KAZN: variants seen among roughly 807,000 people sequenced by gnomAD.
The protein encoded by KAZN is kazrin, periplakin interacting protein.
KAZN carries 40 observed loss-of-function variants against 87.4 expected under a neutral mutation model. That is an observed-to-expected ratio of 0.46 (90% CI 0.36 to 0.60). KAZN has a LOEUF of 0.60. Among genes scored for constraint, KAZN ranks in the 20% least tolerant of loss-of-function variants. The probability of loss-of-function intolerance (pLI) is 0.00; values close to 1 mark genes in which losing one functional copy is unlikely to be tolerated. For synonymous variants in KAZN, 466 were observed against 458.3 expected, an observed-to-expected ratio of 1.02 and a Z score of -0.22; for missense variants, 898 against 1,073.9, an observed-to-expected ratio of 0.84 and a Z score of 2.29.
intron 1 of KAZN, among the ~76,000 whole-genome samples, chr1:13,898,031 G>C (rs910681405): frequency 6.6e-6 from 1 of 152,126 alleles, no homozygotes; most frequent in South Asian, 2.1e-4. Flanking sequence ...CTGTCCATTC[G>C]TGCTGCCTGA....
At chr1:14,330,427 G>A (rs1425626513) in intron 2 of KAZN, among the ~76,000 whole-genome samples, 1 of 152,130 alleles carries the variant, frequency 6.6e-6, no homozygotes, top group South Asian at 2.1e-4. Context: ...CTGTGCCAGT[G>A]AGGAGAAGAA....
At chr1:15,005,539 A>T (rs922360831) in intron 2 of KAZN, among the ~76,000 whole-genome samples, 2 of 152,148 alleles carry the variant, frequency 1.3e-5, no homozygotes, top group African/African-American at 4.8e-5. Flanking sequence ...TCATCCCAGC[A>T]CTTTGGGAGG....
At chr1:14,771,775 A>G (rs775563004) in intron 1 of KAZN, among the ~76,000 whole-genome samples, 3 of 152,142 alleles carry the variant, frequency 2.0e-5, no homozygotes, top group Non-Finnish European at 4.4e-5. Flanking sequence ...GCAGTGAGCC[A>G]AGACCGTGCC....
At position 15,081,226 on chromosome 1, in the gene KAZN, AC is replaced by A. The variant is rs140965329; in HGVS notation, c.1223-12953del. 1.8e-3 allele frequency among the ~76,000 whole-genome samples: 267 copies of A among 152,332 alleles called. 1 individual carries two copies. The highest frequency in any genetic ancestry group is 6.2e-3 in the African/African-American group (258 of 41,582). On this transcript the variant is annotated intron_variant, in intron 8 of 14. Transcript: ENST00000376030. The surrounding 1 kb of genome is among the most constrained non-coding windows in gnomAD (Gnocchi z 4.1). ...GGCAGTGCTGGGCCAGGGCTGGCTC[AC>A]ACAGGCCCACGGATGGCTCTCTTCC... is the stretch of plus-strand genomic sequence containing the variant.
At chr1:14,413,593 GAAAAAAAAAAAA>G (rs1169921344) in intron 2 of KAZN, among the ~76,000 whole-genome samples, 4 of 66,094 alleles carry the variant, frequency 6.1e-5, no homozygotes, top group African/African-American at 1.9e-4. Context: ...CGTCTCAAAA[GAAAAAAAAAAAA>G]AAAAAAAAAA....
chr1:14,220,896 C>T (rs1329518227), intron 2 of KAZN, among the ~76,000 whole-genome samples: 1 of 152,130 alleles, frequency 6.6e-6, no homozygotes, highest in Non-Finnish European at 1.5e-5. Context: ...AGATTTATTA[C>T]AGGCACAGCA....
At chr1:14,308,482 T>C (rs528639964) in intron 2 of KAZN, among the ~76,000 whole-genome samples, 1 of 152,344 alleles carries the variant, frequency 6.6e-6, no homozygotes, top group South Asian at 2.1e-4. Context: ...GTAAAAGTTA[T>C]ATAGAAGTTT....
chr1:15,103,349 TCCCCACAAGGCCCTCCAGGAG>T lies in KAZN; in HGVS notation c.1780-8_1792del. 6.5e-7 allele frequency: 1 copy of T among 1,548,928 alleles called. No individual in the cohort carries two copies. Among genetic ancestry groups the T allele is most frequent in the Non-Finnish European group, 8.7e-7 (1 of 1,145,328 alleles). On this transcript the variant is annotated splice_acceptor_variant and splice_polypyrimidine_tract_variant and coding_sequence_variant and intron_variant, in exon 12 of 15. Coordinates refer to ENST00000376030, the MANE Select transcript of KAZN (RefSeq NM_201628.3). LOFTEE classifies it high-confidence loss of function. ...TTGTCCCTCCGAATGACCCACTGTC[TCCCCACAAGGCCCTCCAGGAG>T]CGCCGGGCCCGCTGCGAGACGCAGA...
intron 2 of KAZN, among the ~76,000 whole-genome samples, chr1:14,320,397 G>A (rs545741051): frequency 1.1e-4 from 17 of 152,120 alleles, no homozygotes; most frequent in African/African-American, 4.1e-4. Context: ...AAACAGATTT[G>A]AGAATCACAA....
chr1:15,001,265 C>T (rs1296064946), intron 2 of KAZN, among the ~76,000 whole-genome samples: 1 of 150,162 alleles, frequency 6.7e-6, no homozygotes, highest in Admixed American at 6.6e-5. Flanking sequence ...AGTTTAAGAC[C>T]AGCCTGGCCA....
chr1:13,906,879 T>G (rs1639458000), intron 1 of KAZN, among the ~76,000 whole-genome samples: 1 of 152,150 alleles, frequency 6.6e-6, no homozygotes, highest in African/African-American at 2.4e-5. Context: ...GGGCACATCT[T>G]CATTCCTAGC....
chr1:13,921,781 G>A (rs997462951), intron 1 of KAZN, among the ~76,000 whole-genome samples: 6 of 151,922 alleles, frequency 3.9e-5, no homozygotes, highest in Non-Finnish European at 7.4e-5. Context: ...GTGGTCACCC[G>A]CCACCACACC....
At chr1:14,560,554 G>T (rs1031419536) in intron 2 of KAZN, among the ~76,000 whole-genome samples, 7 of 152,124 alleles carry the variant, frequency 4.6e-5, no homozygotes, top group Middle Eastern at 3.2e-3. Context: ...CTCCAGCCTG[G>T]GCGACAGAGC....
chr1:14,563,274 A>G (rs1440911262), intron 2 of KAZN, among the ~76,000 whole-genome samples: 3 of 152,192 alleles, frequency 2.0e-5, no homozygotes, highest in African/African-American at 7.2e-5. Context: ...CTCCTTTGAC[A>G]ATCCACAAGG....
At chr1:14,425,785 A>T (rs1289218903) in intron 2 of KAZN, among the ~76,000 whole-genome samples, 1 of 152,090 alleles carries the variant, frequency 6.6e-6, no homozygotes, top group Non-Finnish European at 1.5e-5. Context: ...CCCATTTTAT[A>T]GGTAAGGAGA....
chr1:15,087,809 G>A (rs1640333789), intron 8 of KAZN, among the ~76,000 whole-genome samples: 1 of 152,190 alleles, frequency 6.6e-6, no homozygotes, highest in African/African-American at 2.4e-5. Flanking sequence ...AGGGGACAGA[G>A]GCCTCCACTC....
intron 2 of KAZN, among the ~76,000 whole-genome samples, chr1:14,319,154 T>C (rs955366522): frequency 1.3e-5 from 2 of 151,702 alleles, no homozygotes; most frequent in African/African-American, 2.4e-5. Flanking sequence ...ACATTTGGGG[T>C]TTAGATTTTG....
intron 2 of KAZN, among the ~76,000 whole-genome samples, chr1:14,974,881 T>C (rs549827030): frequency 6.6e-6 from 1 of 152,354 alleles, no homozygotes; most frequent in Admixed American, 6.5e-5. Flanking sequence ...TGTGTACATA[T>C]ATCAGAGAAT....
chr1:14,570,365 C>T (rs1674789243), intron 2 of KAZN, among the ~76,000 whole-genome samples: 1 of 152,190 alleles, frequency 6.6e-6, no homozygotes, highest in African/African-American at 2.4e-5. Flanking sequence ...TCCCCAAAAA[C>T]AAACCTTGTA....
Sources: gnomAD v4.1 joint callset for allele counts (sites outside exome capture counted in the v4.1 genomes callset) on GRCh38, gnomAD v4.1.1 for gene constraint, Gnocchi (gnomAD v3.1) non-coding constraint, MANE v1.5 for transcripts, NCBI Gene and HGNC (gene_info 2026-07-23, HGNC 2026-07-21) for gene names.